The following RBFOX1 variants were observed in gnomAD, a reference collection of about 807,000 sequenced individuals.
RBFOX1 encodes RNA binding protein fox-1 homolog 1.
In RBFOX1, 8 loss-of-function variants were observed where a neutral mutation model predicts 57.7. That is an observed-to-expected ratio of 0.14 (90% CI 0.08 to 0.25). The LOEUF is 0.25. Ranked by LOEUF, RBFOX1 falls within the 10% of genes least tolerant of loss-of-function variation. RBFOX1 has a pLI of 1.00. For synonymous variants in RBFOX1, 326 were observed against 222.4 expected (o/e 1.47, Z -4.15); for missense variants, 611 against 548.5 (o/e 1.11, Z -1.14).
intron 3 of RBFOX1, among the ~76,000 whole-genome samples, chr16:6,657,731 C>T (rs375297065): frequency 6.6e-6 from 1 of 152,074 alleles, no homozygotes; most frequent in Non-Finnish European, 1.5e-5. Flanking sequence ...AATAAGTAAA[C>T]CTGTCTCTGA....
At chr16:5,976,126 C>T (rs1347171847) in intron 4 of RBFOX1, among the ~76,000 whole-genome samples, 1 of 151,880 alleles carries the variant, frequency 6.6e-6, no homozygotes, top group South Asian at 2.1e-4. Flanking sequence ...GACTGGGCAA[C>T]AGAGTGAGAT....
At chr16:6,079,994 A>G (rs2152504502) in intron 1 of RBFOX1, among the ~76,000 whole-genome samples, 1 of 152,362 alleles carries the variant, frequency 6.6e-6, no homozygotes, top group Admixed American at 6.5e-5. Flanking sequence ...ATTGAGGCTT[A>G]CAACCATGTA....
rs191498729 is a variant in RBFOX1 at position 5,563,641 on chromosome 16, A to G, written c.259-35261A>G. On this transcript the variant is annotated intron_variant, in intron 2 of 2. Transcript: ENST00000585867. ...GACCAGCCCTGAAATCCTGCCTTAT[A>G]ATATGATGATAGTAGTTTTTTAAAA... Among the ~76,000 whole-genome samples, 641 of 152,316 alleles carry G rather than the reference A, an allele frequency of 4.2e-3. 4 individuals carry two copies. Among genetic ancestry groups the G allele is most frequent in the African/African-American group, 0.014 (583 of 41,572 alleles).
intron 3 of RBFOX1, among the ~76,000 whole-genome samples, chr16:6,720,106 TA>T (rs533189236): frequency 2.5e-4 from 38 of 151,762 alleles, no homozygotes; most frequent in Non-Finnish European, 4.7e-4. Context: ...AAGAATAAAA[TA>T]AATAAATAAA....
intron 2 of RBFOX1, among the ~76,000 whole-genome samples, chr16:6,324,123 T>A (rs2082111196): frequency 6.6e-6 from 1 of 152,122 alleles, no homozygotes; most frequent in South Asian, 2.1e-4. Context: ...CATTAAGTAA[T>A]TTCTCATCCC....
chr16:7,110,806 A>G lies in RBFOX1; in HGVS notation c.27+58708A>G, dbSNP rs140110586. Among the ~76,000 whole-genome samples, 234 of 152,316 alleles carry G rather than the reference A, an allele frequency of 1.5e-3. 2 individuals are homozygous for G. The highest frequency in any genetic ancestry group is 2.6e-3 in the Non-Finnish European group (174 of 68,030). ...GTCACAGGAGAAAATTTTAGTGACT[A>G]AAGGCTGGAATGTCTGTCTATATTT... On this transcript the variant is annotated intron_variant, in intron 4 of 15. Transcript: ENST00000550418.
intron 3 of RBFOX1, among the ~76,000 whole-genome samples, chr16:6,698,552 C>G (rs138205680): frequency 6.6e-6 from 1 of 152,166 alleles, no homozygotes; most frequent in African/African-American, 2.4e-5. Flanking sequence ...TTTGTTTGCT[C>G]TTCTGAAGTC....
rs2097302600 is a variant in RBFOX1 at position 6,212,141 on chromosome 16, A to G, written c.-126-104854A>G. Among the ~76,000 whole-genome samples the G allele has an allele frequency of 1.3e-5, 2 of 152,134 alleles. 1 individual carries two copies. Among genetic ancestry groups the G allele is most frequent in the South Asian group, 4.1e-4 (2 of 4,830 alleles). On this transcript the variant is annotated intron_variant, in intron 1 of 15. Transcript: ENST00000550418. ...CCAATGTGTTGAGATTACAGGTATGAGCCACTGTCCTCGGCCAATATGCTG... is the reference window on the plus strand; with the variant it reads ...CCAATGTGTTGAGATTACAGGTATGGGCCACTGTCCTCGGCCAATATGCTG...
chr16:7,318,869 A>G (rs956619965), intron 4 of RBFOX1, among the ~76,000 whole-genome samples: 2 of 152,198 alleles, frequency 1.3e-5, no homozygotes, highest in African/African-American at 4.8e-5. Context: ...AAAGACTCCC[A>G]GTAATTATAA....
chr16:6,325,010 G>T (rs187057877), intron 2 of RBFOX1, among the ~76,000 whole-genome samples: 1 of 152,210 alleles, frequency 6.6e-6, no homozygotes, highest in Non-Finnish European at 1.5e-5. Flanking sequence ...GCTATAATGA[G>T]AAACTAATAT....
chr16:6,502,304 G>T (rs2095959742), intron 2 of RBFOX1, among the ~76,000 whole-genome samples: 1 of 152,104 alleles, frequency 6.6e-6, no homozygotes, highest in South Asian at 2.1e-4. Context: ...TACCTGGCAT[G>T]CCACCTTTAA....
intron 3 of RBFOX1, among the ~76,000 whole-genome samples, chr16:6,801,945 C>G (rs1457968305): frequency 4.6e-5 from 7 of 152,040 alleles, no homozygotes; most frequent in Admixed American, 4.6e-4. Context: ...TAAATTTAAT[C>G]TAAATGGGTC....
chr16:7,168,881 C>G (rs1484562046), intron 4 of RBFOX1, among the ~76,000 whole-genome samples: 2 of 152,104 alleles, frequency 1.3e-5, no homozygotes, highest in Admixed American at 6.5e-5. Context: ...AGGAGTGTGC[C>G]TCTATTTTTG....
intron 2 of RBFOX1, among the ~76,000 whole-genome samples, chr16:6,459,441 C>T (rs1415789411): frequency 1.3e-5 from 2 of 152,108 alleles, no homozygotes; most frequent in Non-Finnish European, 2.9e-5. Flanking sequence ...TTTAGGTACA[C>T]CAAGAATTTA....
intron 3 of RBFOX1, among the ~76,000 whole-genome samples, chr16:5,722,399 T>G (rs2051968344): frequency 6.6e-6 from 1 of 152,190 alleles, no homozygotes; most frequent in Admixed American, 6.5e-5. Context: ...TTAATTATAT[T>G]TGAAAGTCAT....
intron 3 of RBFOX1, among the ~76,000 whole-genome samples, chr16:6,986,040 A>C (rs1366684457): frequency 1.3e-5 from 2 of 151,520 alleles, no homozygotes; most frequent in Non-Finnish European, 2.9e-5. Context: ...GAACCTGCAT[A>C]TCTCCAATTT....
At chr16:7,226,430 G>C (rs2093126053) in intron 4 of RBFOX1, among the ~76,000 whole-genome samples, 1 of 152,168 alleles carries the variant, frequency 6.6e-6, no homozygotes. Flanking sequence ...AAAAGAGTTG[G>C]GTAGAAAGAG....
intron 1 of RBFOX1, among the ~76,000 whole-genome samples, chr16:5,392,155 G>A (rs1405725734): frequency 6.6e-6 from 1 of 152,062 alleles, no homozygotes; most frequent in Non-Finnish European, 1.5e-5. Context: ...GAGGATGAGG[G>A]ATAAAAGACT....
chr16:6,296,471 A>G (rs1176636600), intron 1 of RBFOX1, among the ~76,000 whole-genome samples: 1 of 147,688 alleles, frequency 6.8e-6, no homozygotes, highest in Non-Finnish European at 1.5e-5. Context: ...CCCAGGCCGG[A>G]GTGCAATGGC....
Sources: gnomAD v4.1 joint callset for allele counts (sites outside exome capture counted in the v4.1 genomes callset) on GRCh38, gnomAD v4.1.1 for gene constraint, MANE v1.5 for transcripts, NCBI Gene and HGNC (gene_info 2026-07-23, HGNC 2026-07-21) for gene names.